MSANTD5: variants seen among roughly 807,000 people sequenced by gnomAD.
MSANTD5 encodes the protein Myb/SANT DNA binding domain containing 5, also known as uncharacterized protein MSANTD5.
exon 4 of MSANTD5, chr5:178,694,616 GA>G (rs1765391192): frequency 6.6e-6 from 1 of 152,238 alleles, no homozygotes; most frequent in Non-Finnish European, 1.5e-5. Context: ...GTGAGGAGAG[GA>G]AGGAGTCATT....
At chr5:178,706,180 T>C in the MSANTD5 span, among the ~76,000 whole-genome samples, 2 of 152,270 alleles carry the variant, frequency 1.3e-5, no homozygotes, top group Non-Finnish European at 2.9e-5. Flanking sequence ...TTGATTTTCA[T>C]ATGTTGAACC....
downstream of MSANTD5, among the ~76,000 whole-genome samples, chr5:178,692,326 G>A (rs182201158): frequency 5.0e-3 from 745 of 149,688 alleles, 12 homozygotes; most frequent in African/African-American, 0.018. Flanking sequence ...GTTGCAGTGA[G>A]CTGAGATTGC....
upstream of MSANTD5, among the ~76,000 whole-genome samples, chr5:178,701,483 C>G (rs986152933): frequency 6.6e-6 from 1 of 151,732 alleles, no homozygotes; most frequent in African/African-American, 2.4e-5. Context: ...ACACACTGGA[C>G]AGGTTTCCCT....
At chr5:178,696,004 T>G (rs949012142) in intron 2 of MSANTD5, 93 bp downstream of exon 2, 4 of 152,184 alleles carry the variant, frequency 2.6e-5, no homozygotes, top group Non-Finnish European at 5.9e-5. Flanking sequence ...AGATGCCCCC[T>G]CTTGGGGCTT....
rs533035151 is a variant in MSANTD5, at chr5:178,697,675, C to T, written c.-84G>A. On this transcript the variant is annotated 5_prime_UTR_variant, in exon 1 of 4. It adds an upstream start codon to the 5' untranslated region. Transcript: ENST00000648368. ...TTCCTGAGTTGGCGGAACACTGGCA[C>T]TTACTCTCCTCTAGTGGAACCTAGG... The T allele has an allele frequency of 6.6e-6, 1 of 152,154 alleles. No homozygotes were observed. Among genetic ancestry groups the T allele is most frequent in the African/African-American group, 2.4e-5 (1 of 41,434 alleles). 9.4% of individuals were successfully genotyped at this position (152,154 alleles called of 1,614,324 possible). A position where few individuals can be genotyped will look rare whatever the true frequency, so the allele number is the denominator to read the frequency against.
downstream of MSANTD5, among the ~76,000 whole-genome samples, chr5:178,694,066 C>A (rs1765384527): frequency 6.6e-6 from 1 of 151,984 alleles, no homozygotes; most frequent in South Asian, 2.1e-4. Flanking sequence ...CCTGTAATCC[C>A]AGCACTTTGG....
intron 1 of MSANTD5, among the ~76,000 whole-genome samples, chr5:178,697,311 G>A (rs981344079): frequency 9.2e-5 from 14 of 151,424 alleles, no homozygotes; most frequent in Admixed American, 2.0e-4. Flanking sequence ...AAAATTAGCC[G>A]GGCGTGGTGG....
chr5:178,705,533 A>T, the MSANTD5 span, among the ~76,000 whole-genome samples: 1 of 152,186 alleles, frequency 6.6e-6, no homozygotes, highest in Non-Finnish European at 1.5e-5. Context: ...CTTTGATGGC[A>T]TCAGCCAAAT....
chr5:178,702,060 C>T (rs141789498), upstream of MSANTD5, among the ~76,000 whole-genome samples: 72 of 145,758 alleles, frequency 4.9e-4, 1 homozygote, highest in African/African-American at 1.8e-3. Flanking sequence ...ATAAAAATTG[C>T]AAAGAACTTC....
chr5:178,700,803 G>C (rs764839807), upstream of MSANTD5, among the ~76,000 whole-genome samples: 1 of 152,194 alleles, frequency 6.6e-6, no homozygotes, highest in African/African-American at 2.4e-5. Flanking sequence ...GACAACAGAC[G>C]TAAGTGCCAC....
chr5:178,707,394 T>C, the MSANTD5 span, among the ~76,000 whole-genome samples: 38,384 of 151,510 alleles, frequency 0.25, 4,993 homozygotes, highest in South Asian at 0.36. Flanking sequence ...ACAGCCTACT[T>C]CAGGCTTTGC....
upstream of MSANTD5, among the ~76,000 whole-genome samples, chr5:178,701,119 G>A (rs903123483): frequency 9.2e-5 from 14 of 152,132 alleles, no homozygotes; most frequent in East Asian, 1.9e-4. Context: ...GACTACAGGC[G>A]CCCGCCACCA....
chr5:178,702,291 C>CTTTTTTTTTTT (rs906079918), upstream of MSANTD5, among the ~76,000 whole-genome samples: 2 of 142,188 alleles, frequency 1.4e-5, no homozygotes, highest in African/African-American at 5.2e-5. Context: ...ATTTTTCTTT[C>CTTTTTTTTTTT]TTTTTTTTTC....
At chr5:178,692,851 G>T (rs568085767), downstream of MSANTD5, among the ~76,000 whole-genome samples, 8 of 151,910 alleles carry the variant, frequency 5.3e-5, 1 homozygote, top group Non-Finnish European at 1.2e-4. Flanking sequence ...TGACTCTCTT[G>T]ACTGTATCGA....
At chr5:178,699,218 TC>T (rs1295494169), upstream of MSANTD5, among the ~76,000 whole-genome samples, 30 of 152,140 alleles carry the variant, frequency 2.0e-4, no homozygotes, top group Admixed American at 1.9e-3. Context: ...TTTAGGCACC[TC>T]AGCCCTGCAT....
upstream of MSANTD5, among the ~76,000 whole-genome samples, chr5:178,698,343 G>C (rs910159912): frequency 9.2e-5 from 14 of 152,174 alleles, no homozygotes; most frequent in African/African-American, 3.4e-4. Flanking sequence ...AGTGACGGTG[G>C]GGACGGAGAA....
the MSANTD5 span, among the ~76,000 whole-genome samples, chr5:178,705,420 C>T: frequency 6.6e-6 from 1 of 152,234 alleles, no homozygotes; most frequent in Non-Finnish European, 1.5e-5. Context: ...TCAGGCACAT[C>T]CTCTGCTCTC....
At chr5:178,692,803 A>C (rs1450175849), downstream of MSANTD5, among the ~76,000 whole-genome samples, 1 of 151,938 alleles carries the variant, frequency 6.6e-6, no homozygotes. Flanking sequence ...AGGGACGTGC[A>C]TGTCCCTCAT....
At chr5:178,703,267 T>A in the MSANTD5 span, among the ~76,000 whole-genome samples, 1 of 152,134 alleles carries the variant, frequency 6.6e-6, no homozygotes, top group African/African-American at 2.4e-5. Flanking sequence ...ACGGGCAGGG[T>A]CCCGTGTCAG....
Sources: allele counts gnomAD v4.1 joint callset (sites outside exome capture counted in the v4.1 genomes callset), GRCh38; gene constraint gnomAD v4.1.1; transcripts MANE v1.5; gene names NCBI Gene and HGNC (gene_info 2026-07-23, HGNC 2026-07-21).